FKBP1B: variants seen among roughly 807,000 people sequenced by gnomAD.
FKBP1B encodes the protein peptidyl-prolyl cis-trans isomerase FKBP1B.
A neutral mutation model predicts 13.5 loss-of-function variants in FKBP1B; 4 were observed. The observed-to-expected ratio is 0.30, with a 90% CI of 0.15 to 0.68. FKBP1B has a LOEUF of 0.68. FKBP1B is among the 30% of genes least tolerant of loss of function. FKBP1B has a pLI of 0.76. For missense variants in FKBP1B, 93 were observed against 136.2 expected (o/e 0.68, Z 1.58); for synonymous variants, 54 against 53.6 (o/e 1.01, Z -0.03).
intron 2 of FKBP1B, 69 bp from the exon 3 acceptor site, chr2:24,060,745 C>A: frequency 9.1e-7 from 1 of 1,103,424 alleles, no homozygotes; most frequent in Admixed American, 1.7e-5. Flanking sequence ...CCATTTTAGA[C>A]ATGTGGAATC....
chr2:24,052,809 T>G (rs1287657308), intron 1 of FKBP1B, among the ~76,000 whole-genome samples: 1 of 151,948 alleles, frequency 6.6e-6, no homozygotes, highest in Non-Finnish European at 1.5e-5. Context: ...TCTACAAATT[T>G]TTTTTAAAAA....
chr2:24,038,045 T>C, the FKBP1B span: 378 of 1,614,184 alleles, frequency 2.3e-4, 1 homozygote, highest in Admixed American at 6.0e-4. Context: ...TGACTACTGG[T>C]ATTAACTGTC....
At chr2:24,052,938 A>G (rs1663946781) in intron 1 of FKBP1B, among the ~76,000 whole-genome samples, 1 of 151,830 alleles carries the variant, frequency 6.6e-6, no homozygotes, top group Non-Finnish European at 1.5e-5. Flanking sequence ...ATGCTGTTGC[A>G]CTCCAGCCTG....
At chr2:24,037,283 A>G in the FKBP1B span, among the ~76,000 whole-genome samples, 1 of 152,370 alleles carries the variant, frequency 6.6e-6, no homozygotes, top group East Asian at 1.9e-4. Flanking sequence ...TCGGCCTCCC[A>G]AAGTGCTAGG....
In FKBP1B at chr2:24,060,926, G is replaced by C. The variant is rs1249047474; in HGVS notation, c.198G>C (p.Gln66His). Residue 66 changes from glutamine to histidine, a missense_variant and splice_region_variant, in exon 3 of 4, where the codon CAG becomes CAC. By Grantham distance (24) the Gln-to-His change is conservative (BLOSUM62 0). Coordinates refer to ENST00000380986, the MANE Select transcript of FKBP1B (RefSeq NM_004116.5). ...VIKGFEEGAA[Q>H]MSLGQRAKLT... ...AAGGTTTTGAAGAGGGTGCAGCCCA[G>C]GTAGGATGAGGATTCGCATTAAAGG... 6.2e-7 allele frequency: 1 copy of C among 1,611,050 alleles called. No individual in the cohort carries two copies. Among genetic ancestry groups the C allele is most frequent in the East Asian group, 2.2e-5 (1 of 44,838 alleles).
the FKBP1B span, among the ~76,000 whole-genome samples, chr2:24,041,737 C>G: frequency 6.6e-6 from 1 of 151,592 alleles, no homozygotes; most frequent in Non-Finnish European, 1.5e-5. Flanking sequence ...CCTGTAATCC[C>G]AGCTACTCGG....
At chr2:24,054,125 A>G (rs922701065) in intron 2 of FKBP1B, 176 bp downstream of exon 2, 1 of 730,576 alleles carries the variant, frequency 1.4e-6, no homozygotes, top group African/African-American at 1.7e-5. Context: ...GGAATGATAA[A>G]GGAGGCTTGG....
intron 2 of FKBP1B, among the ~76,000 whole-genome samples, chr2:24,054,934 T>G (rs1234177894): frequency 6.6e-6 from 1 of 152,236 alleles, no homozygotes; most frequent in Non-Finnish European, 1.5e-5. Context: ...CAGCAGCTCC[T>G]GTCTTGGGAG....
intron 2 of FKBP1B, among the ~76,000 whole-genome samples, chr2:24,056,852 G>T (rs540617686): frequency 6.6e-6 from 1 of 151,868 alleles, no homozygotes; most frequent in East Asian, 1.9e-4. Context: ...CACCGTGCCC[G>T]GCTAATTTTG....
At chr2:24,060,773 C>G in intron 2 of FKBP1B, 41 bp from the exon 3 acceptor site, 2 of 1,473,268 alleles carry the variant, frequency 1.4e-6, no homozygotes, top group Non-Finnish European at 1.9e-6. Flanking sequence ...GGAGTTTACT[C>G]ATGACCACAG....
chr2:24,057,662 C>T (rs1448203088), intron 2 of FKBP1B, among the ~76,000 whole-genome samples: 2 of 151,674 alleles, frequency 1.3e-5, no homozygotes, highest in Admixed American at 6.6e-5. Flanking sequence ...CGTGAGCCAC[C>T]GGGCCCGGCC....
chr2:24,057,573 A>G (rs953534310), intron 2 of FKBP1B, among the ~76,000 whole-genome samples: 3 of 152,030 alleles, frequency 2.0e-5, no homozygotes, highest in African/African-American at 7.2e-5. Flanking sequence ...GGGTTTCTCC[A>G]TGTTGGTCAG....
chr2:24,038,994 A>T, the FKBP1B span: 1 of 1,614,208 alleles, frequency 6.2e-7, no homozygotes. Flanking sequence ...GCCTCAGGCC[A>T]TCCTGGGTCC....
Position 24,050,019 on chromosome 2 carries a change from C to G in FKBP1B, c.37+133C>G, listed in dbSNP as rs1663785897. 2 of 602,530 alleles carry G rather than the reference C, an allele frequency of 3.3e-6. No individual in the cohort carries two copies. Among genetic ancestry groups the G allele is most frequent in the South Asian group, 5.6e-5 (1 of 17,862 alleles). 37.3% of individuals were successfully genotyped at this position (602,530 alleles called of 1,614,324 possible). On this transcript the variant is annotated intron_variant, in intron 1 of 3. Coordinates refer to ENST00000380986, the MANE Select transcript of FKBP1B (RefSeq NM_004116.5). This position sits in a 1 kb window ranked among gnomAD's most constrained non-coding sequence, Gnocchi z 5.8. Reference sequence around the variant, plus strand: ...GCTGGATGGGGAAGGCAGGCGGAGACGCCGGACGGGATTCTTGGGGGTCTA... The same window carrying G: ...GCTGGATGGGGAAGGCAGGCGGAGAGGCCGGACGGGATTCTTGGGGGTCTA...
chr2:24,057,978 C>T (rs1472782024), intron 2 of FKBP1B, among the ~76,000 whole-genome samples: 3 of 152,126 alleles, frequency 2.0e-5, no homozygotes, highest in South Asian at 2.1e-4. Context: ...AGGTGGATCA[C>T]CTGAGGTCAG....
Position 24,056,851 on chromosome 2 carries a change from C to T in FKBP1B, c.85+2902C>T, listed in dbSNP as rs148161163. The stretch of plus-strand genomic sequence containing the variant: ...GATTACAGGTGTGTGCCACCGTGCC[C>T]GGCTAATTTTGAGGTTTTTAGTAGA... On this transcript the variant is annotated intron_variant, in intron 2 of 3. Transcript: ENST00000380986. Among the ~76,000 whole-genome samples, 54 of 151,990 alleles carry T rather than the reference C, an allele frequency of 3.6e-4. No individual in the cohort carries two copies. The East Asian group carries it at 9.3e-3, about 26-fold the overall frequency.
chr2:24,056,243 G>T (rs1347974303), intron 2 of FKBP1B, among the ~76,000 whole-genome samples: 1 of 151,972 alleles, frequency 6.6e-6, no homozygotes, highest in African/African-American at 2.4e-5. Flanking sequence ...GCCTGCCTCG[G>T]CCTCTCAAAG....
At chr2:24,037,791 C>G in the FKBP1B span, 68 of 1,614,124 alleles carry the variant, frequency 4.2e-5, no homozygotes, top group Middle Eastern at 4.9e-4. Flanking sequence ...GCATTTCAAC[C>G]AGGTTCCTAG....
chr2:24,044,701 C>T (rs893047805), upstream of FKBP1B, among the ~76,000 whole-genome samples: 3 of 151,928 alleles, frequency 2.0e-5, no homozygotes, highest in African/African-American at 7.3e-5. Flanking sequence ...CCTGTGTTAG[C>T]CCAGGTTCTG....
Sources: gnomAD v4.1 joint callset for allele counts (sites outside exome capture counted in the v4.1 genomes callset) on GRCh38, gnomAD v4.1.1 for gene constraint, Gnocchi (gnomAD v3.1) non-coding constraint, MANE v1.5 for transcripts, NCBI Gene and HGNC (gene_info 2026-07-23, HGNC 2026-07-21) for gene names.